Variants in BMP2K observed in about 807,000 individuals in gnomAD.
BMP2K encodes the protein BMP-2-inducible protein kinase.
A neutral mutation model predicts 116.0 loss-of-function variants in BMP2K; 74 were observed. That is an observed-to-expected ratio of 0.64 (90% CI 0.53 to 0.77). The LOEUF is 0.77. Among genes scored for constraint, BMP2K ranks in the 30% least tolerant of loss-of-function variants. The pLI is 0.00. For missense variants in BMP2K, 1,365 were observed against 1,403.6 expected (o/e 0.97, Z 0.44); for synonymous variants, 486 against 502.5 (o/e 0.97, Z 0.44).
chr4:78,864,557 CGT>C (rs1010776062), intron 9 of BMP2K, among the ~76,000 whole-genome samples: 1 of 140,476 alleles, frequency 7.1e-6, no homozygotes. Context: ...TTCAGTGTCA[CGT>C]TTTTTTTTTT....
intron 6 of BMP2K, among the ~76,000 whole-genome samples, chr4:78,848,217 G>A (rs1731100298): frequency 6.6e-6 from 1 of 151,318 alleles, no homozygotes; most frequent in South Asian, 2.1e-4. Flanking sequence ...TCACCAAACA[G>A]TAATTCTTGT....
intron 15 of BMP2K, among the ~76,000 whole-genome samples, chr4:78,909,818 T>C (rs1378586871): frequency 1.3e-5 from 2 of 152,214 alleles, no homozygotes; most frequent in Non-Finnish European, 2.9e-5. Context: ...GCAGAAACCA[T>C]GTTTCTTTTA....
At chr4:78,807,819 C>G (rs1728896355) in intron 1 of BMP2K, among the ~76,000 whole-genome samples, 1 of 151,990 alleles carries the variant, frequency 6.6e-6, no homozygotes, top group Non-Finnish European at 1.5e-5. Flanking sequence ...CTGTAATTGC[C>G]TTATAATCCT....
At chr4:78,792,632 G>A (rs1038174506) in intron 1 of BMP2K, among the ~76,000 whole-genome samples, 19 of 151,962 alleles carry the variant, frequency 1.3e-4, no homozygotes, top group African/African-American at 4.6e-4. Context: ...AAGCCTTTCT[G>A]AGGAGACAGG....
rs547269527 is a variant in BMP2K at position 78,807,049 on chromosome 4, G to A, written c.179-18988G>A. The stretch of plus-strand genomic sequence containing the variant: ...ATTTTTTTAGTAGAGATGGGGTTTA[G>A]CCATGTTGGCCAGGCTGGTCTTGAA... On this transcript the variant is annotated intron_variant, in intron 1 of 15. Transcript: ENST00000502613. Among the ~76,000 whole-genome samples, 391 of 151,744 alleles carry A rather than the reference G, an allele frequency of 2.6e-3. 1 individual carries two copies. Among genetic ancestry groups the A allele is most frequent in the Non-Finnish European group, 4.5e-3 (302 of 67,864 alleles).
intron 15 of BMP2K, among the ~76,000 whole-genome samples, chr4:78,900,539 T>A (rs1733944307): frequency 6.6e-6 from 1 of 152,200 alleles, no homozygotes; most frequent in South Asian, 2.1e-4. Flanking sequence ...TGGGAATAGC[T>A]GTAAATAGGT....
intron 15 of BMP2K, among the ~76,000 whole-genome samples, chr4:78,901,862 A>G (rs1734025343): frequency 6.6e-6 from 1 of 152,186 alleles, no homozygotes; most frequent in African/African-American, 2.4e-5. Flanking sequence ...CTTATATTGC[A>G]TTTAATTTTT....
Position 78,915,707 on chromosome 4 carries a change from A to T in BMP2K, c.*3674A>T, listed in dbSNP as rs1396050508. 1 of 152,054 alleles carries T rather than the reference A, an allele frequency of 6.6e-6. No individual in the cohort carries two copies. Among genetic ancestry groups the T allele is most frequent in the Non-Finnish European group, 1.5e-5 (1 of 67,934 alleles). 9.4% of individuals were successfully genotyped at this position (152,054 alleles called of 1,614,324 possible). On this transcript the variant is annotated 3_prime_UTR_variant, in exon 16 of 16. Transcript: ENST00000502613. ...TTTTAAAAAATGGAATTGCAACCAC[A>T]ATCATATCTAAGAGAACATTCACTC...
At chr4:78,788,879 T>C (rs954356412) in intron 1 of BMP2K, among the ~76,000 whole-genome samples, 3 of 150,768 alleles carry the variant, frequency 2.0e-5, no homozygotes, top group African/African-American at 7.3e-5. Context: ...TTTGTTTTCA[T>C]CTTAGAATAG....
chr4:78,876,150 A>G (rs1479450218), intron 13 of BMP2K, among the ~76,000 whole-genome samples: 1 of 152,200 alleles, frequency 6.6e-6, no homozygotes, highest in Non-Finnish European at 1.5e-5. Context: ...TTTTGGGAAT[A>G]GGAAGAGGGT....
intron 10 of BMP2K, among the ~76,000 whole-genome samples, chr4:78,867,317 A>C (rs993085376): frequency 1.3e-5 from 2 of 152,174 alleles, no homozygotes; most frequent in Non-Finnish European, 1.5e-5. Context: ...GACAATGTTC[A>C]TGGTTTTGTC....
intron 1 of BMP2K, among the ~76,000 whole-genome samples, chr4:78,783,335 GTTA>G (rs1727595074): frequency 6.6e-6 from 1 of 152,098 alleles, no homozygotes; most frequent in African/African-American, 2.4e-5. Flanking sequence ...GGTTGTTTAT[GTTA>G]TTATTGTAGT....
intron 1 of BMP2K, among the ~76,000 whole-genome samples, chr4:78,787,546 G>A (rs773608017): frequency 6.6e-6 from 1 of 152,100 alleles, no homozygotes; most frequent in Non-Finnish European, 1.5e-5. Context: ...AAACAGTTTT[G>A]GGGGTGGTCA....
chr4:78,850,714 A>G (rs1731211070), intron 6 of BMP2K, among the ~76,000 whole-genome samples: 1 of 151,938 alleles, frequency 6.6e-6, no homozygotes. Context: ...AATTCAGCCA[A>G]CTAGCCACAG....
At chr4:78,899,351 A>G (rs1056434365) in intron 15 of BMP2K, among the ~76,000 whole-genome samples, 2 of 152,166 alleles carry the variant, frequency 1.3e-5, no homozygotes, top group African/African-American at 4.8e-5. Context: ...GGGAGAATAT[A>G]GGGTAGGTCA....
At chr4:78,855,758 C>T (rs1477199353) in intron 7 of BMP2K, among the ~76,000 whole-genome samples, 1 of 152,072 alleles carries the variant, frequency 6.6e-6, no homozygotes, top group Non-Finnish European at 1.5e-5. Flanking sequence ...ATTTTGTGTT[C>T]TTAGGTTGTG....
At chr4:78,805,348 G>A (rs1057494684) in intron 1 of BMP2K, among the ~76,000 whole-genome samples, 2 of 152,132 alleles carry the variant, frequency 1.3e-5, no homozygotes, top group Non-Finnish European at 2.9e-5. Flanking sequence ...GGAAGTGTGA[G>A]TCCTCTAACT....
chr4:78,840,236 A>C (rs909928263), intron 3 of BMP2K, among the ~76,000 whole-genome samples: 2 of 152,160 alleles, frequency 1.3e-5, no homozygotes, highest in Non-Finnish European at 2.9e-5. Flanking sequence ...CCTCTTTGGA[A>C]AATATGGAAA....
rs1369820212 is a variant in BMP2K, at chr4:78,880,127, C to T, written c.1951+1236C>T. On this transcript the variant is annotated intron_variant, in intron 14 of 15. Coordinates refer to ENST00000502613, the MANE Select transcript of BMP2K (RefSeq NM_198892.2). The stretch of plus-strand genomic sequence containing the variant: ...TGCTCTTGTTGCCCAGGCTGGAGTG[C>T]AATGGCGCAATCTCGGCTCACCGCA... Among the ~76,000 whole-genome samples, 9 of 152,278 alleles carry T rather than the reference C, an allele frequency of 5.9e-5. No individual in the cohort carries two copies. The East Asian group carries it at 1.7e-3, about 29-fold the overall frequency.
Sources: allele counts gnomAD v4.1 joint callset (sites outside exome capture counted in the v4.1 genomes callset), GRCh38; gene constraint gnomAD v4.1.1; transcripts MANE v1.5; gene names NCBI Gene and HGNC (gene_info 2026-07-23, HGNC 2026-07-21).